The following HTR3B variants were observed in gnomAD, a reference collection of about 807,000 sequenced individuals.
The protein encoded by HTR3B is 5-hydroxytryptamine receptor 3B, also known as 5-hydroxytryptamine (serotonin) receptor 3B, ionotropic.
A neutral mutation model predicts 42.8 loss-of-function variants in HTR3B; 44 were observed. The observed-to-expected ratio is 1.03, with a 90% confidence interval of 0.81 to 1.32. The LOEUF is 1.32. Ranked by LOEUF, HTR3B falls within the 40% of genes most tolerant of loss-of-function variation. The pLI, the probability that HTR3B is intolerant of heterozygous loss-of-function variation, is 0.00. For missense variants in HTR3B, 527 were observed against 536.5 expected (o/e 0.98, Z 0.17); for synonymous variants, 203 against 209.0 (o/e 0.97, Z 0.25).
In HTR3B at chr11:113,946,228, T is replaced by G; in HGVS notation, c.*91T>G. The G allele has an allele frequency of 1.0e-6, 1 of 991,248 alleles. No homozygotes were observed. The highest frequency in any genetic ancestry group is 1.4e-5 in the South Asian group (1 of 69,454). The allele number at this position is 991,248 out of a possible 1,614,324, so 61.4% of individuals were successfully genotyped here. On this transcript the variant is annotated 3_prime_UTR_variant, in exon 9 of 9. Transcript: ENST00000260191. ...GTTAAAAAGCTTTCTGGGTCGGGTG[T>G]GGTGGTTCTTGCCTATAGTCCCAGT...
At chr11:113,902,413 C>T (rs1445246117), upstream of HTR3B, among the ~76,000 whole-genome samples, 1 of 152,068 alleles carries the variant, frequency 6.6e-6, no homozygotes, top group Non-Finnish European at 1.5e-5. Context: ...TCTCATGCCT[C>T]AGCCTCCTGA....
At position 113,947,456 on chromosome 11, in the gene HTR3B, T is replaced by C. The variant is rs549932450; in HGVS notation, c.*1319T>C. On this transcript the variant is annotated 3_prime_UTR_variant, in exon 9 of 9. Transcript: ENST00000260191. ...AGGAAATACTACACACTAAGTTGCT[T>C]TAAGAGAGATTTATTTTCTCACCAG... Among the ~76,000 whole-genome samples, 32 of 152,266 alleles carry C rather than the reference T, an allele frequency of 2.1e-4. No homozygotes were observed. Among genetic ancestry groups the C allele is most frequent in the Non-Finnish European group, 3.8e-4 (26 of 68,006 alleles).
intron 2 of HTR3B, among the ~76,000 whole-genome samples, chr11:113,923,486 T>G (rs1206688910): frequency 1.3e-5 from 2 of 152,216 alleles, no homozygotes; most frequent in African/African-American, 2.4e-5. Context: ...GATACCTTTG[T>G]ATTCCAGTCC....
intron 2 of HTR3B, among the ~76,000 whole-genome samples, chr11:113,929,884 G>A (rs974536523): frequency 1.1e-4 from 17 of 151,756 alleles, no homozygotes; most frequent in African/African-American, 2.9e-4. Flanking sequence ...AGGCGCCCAC[G>A]ACCACGCCCG....
intron 6 of HTR3B, among the ~76,000 whole-genome samples, chr11:113,934,758 G>GT (rs1950074514): frequency 5.3e-5 from 1 of 18,990 alleles, no homozygotes; most frequent in African/African-American, 2.4e-4. Flanking sequence ...AAGCAAGCAA[G>GT]CTTTTTTTTT....
Position 113,946,003 on chromosome 11 carries a change from ACAGAC to A in HTR3B, c.1195_1199del (p.Asp399ThrfsTer13). 1 of 1,614,040 alleles carries A rather than the reference ACAGAC, an allele frequency of 6.2e-7. No individual in the cohort carries two copies. On this transcript the variant is annotated frameshift_variant, in exon 9 of 9. Coordinates refer to ENST00000260191, the MANE Select transcript of HTR3B (RefSeq NM_006028.5). LOFTEE classifies it low-confidence loss of function (END_TRUNC). ...CAACTACCTCCAAACTCAGGACCAG[ACAGAC>A]CAACAGGAGGCAGAGTGGCTGGTCC...
intron 1 of HTR3B, among the ~76,000 whole-genome samples, chr11:113,908,306 C>T (rs1455639687): frequency 6.6e-6 from 1 of 152,176 alleles, no homozygotes; most frequent in East Asian, 1.9e-4. Context: ...GAAGCGATCT[C>T]ATTTACAGTT....
At chr11:113,922,732 T>A (rs1209126687) in intron 2 of HTR3B, among the ~76,000 whole-genome samples, 1 of 152,042 alleles carries the variant, frequency 6.6e-6, no homozygotes, top group Non-Finnish European at 1.5e-5. Flanking sequence ...ATTTTTTGTA[T>A]TTTTAGTAGA....
chr11:113,944,837 T>C (rs1950164670), intron 8 of HTR3B, 82 bp downstream of exon 8: 1 of 1,331,700 alleles, frequency 7.5e-7, no homozygotes, highest in Non-Finnish European at 1.0e-6. Context: ...TACTAGGTAT[T>C]GCGTTGGCCT....
intron 1 of HTR3B, among the ~76,000 whole-genome samples, chr11:113,906,846 T>C (rs1170444026): frequency 6.6e-6 from 1 of 152,200 alleles, no homozygotes; most frequent in Non-Finnish European, 1.5e-5. Context: ...GTTGGGAACT[T>C]TGAAGGAGAT....
At chr11:113,920,526 C>T (rs1949902646) in intron 2 of HTR3B, among the ~76,000 whole-genome samples, 1 of 152,020 alleles carries the variant, frequency 6.6e-6, no homozygotes, top group Non-Finnish European at 1.5e-5. Context: ...CAGGCACCTA[C>T]CACCATGTCC....
chr11:113,914,396 G>A (rs963557806), intron 2 of HTR3B, among the ~76,000 whole-genome samples: 4 of 151,192 alleles, frequency 2.6e-5, no homozygotes, highest in South Asian at 2.1e-4. Flanking sequence ...CCTGGGAGGC[G>A]GAGGTTGCAG....
chr11:113,911,688 G>A (rs1358730710), intron 2 of HTR3B, among the ~76,000 whole-genome samples: 1 of 151,238 alleles, frequency 6.6e-6, no homozygotes, highest in Non-Finnish European at 1.5e-5. Flanking sequence ...CACCACACTC[G>A]GCTTATTTTT....
intron 6 of HTR3B, among the ~76,000 whole-genome samples, chr11:113,933,553 C>T (rs1377681229): frequency 6.6e-6 from 1 of 151,998 alleles, no homozygotes; most frequent in Non-Finnish European, 1.5e-5. Flanking sequence ...ATATTATTAA[C>T]TTGAATATCT....
intron 2 of HTR3B, among the ~76,000 whole-genome samples, chr11:113,915,757 CT>C (rs1428110397): frequency 6.6e-6 from 1 of 152,162 alleles, no homozygotes; most frequent in Non-Finnish European, 1.5e-5. Flanking sequence ...TCCAAAGTGG[CT>C]GTTATCATTT....
the HTR3B span, among the ~76,000 whole-genome samples, chr11:113,899,468 G>A: frequency 5.9e-5 from 9 of 152,218 alleles, no homozygotes; most frequent in East Asian, 5.8e-4. Context: ...TTGGTTCCCC[G>A]AATATGTACA....
chr11:113,925,264 G>A (rs1319795016), intron 2 of HTR3B, among the ~76,000 whole-genome samples: 4 of 152,058 alleles, frequency 2.6e-5, no homozygotes, highest in Admixed American at 2.0e-4. Context: ...GGGAGGAAAC[G>A]AGAGCTGTTA....
intron 6 of HTR3B, among the ~76,000 whole-genome samples, chr11:113,939,897 T>C (rs372174135): frequency 7.3e-5 from 11 of 151,338 alleles, no homozygotes; most frequent in African/African-American, 2.4e-4. Flanking sequence ...TGTTTTTTTT[T>C]TTTTTTTGAG....
chr11:113,906,241 T>C (rs1219302657), intron 1 of HTR3B, among the ~76,000 whole-genome samples: 3 of 152,158 alleles, frequency 2.0e-5, no homozygotes, highest in Admixed American at 1.3e-4. Flanking sequence ...TATGTTTACT[T>C]TACGTATTTT....
Sources: allele counts gnomAD v4.1 joint callset (sites outside exome capture counted in the v4.1 genomes callset), GRCh38; gene constraint gnomAD v4.1.1; transcripts MANE v1.5; gene names NCBI Gene and HGNC (gene_info 2026-07-23, HGNC 2026-07-21).